The following ACTL6B variants were observed in gnomAD, a reference collection of about 807,000 sequenced individuals.
The protein encoded by ACTL6B is actin-like protein 6B.
In ACTL6B, 48 loss-of-function variants were observed where a neutral mutation model predicts 63.3. The observed-to-expected ratio is 0.76, with a 90% CI of 0.60 to 0.96. ACTL6B has a LOEUF of 0.96. ACTL6B is among the 50% of genes least tolerant of loss of function. The pLI, the probability that ACTL6B is intolerant of heterozygous loss-of-function variation, is 0.00. For synonymous variants in ACTL6B, 230 were observed against 223.8 expected (o/e 1.03, Z -0.25); for missense variants, 350 against 572.2 (o/e 0.61, Z 3.96).
At position 100,646,678 on chromosome 7, in the gene ACTL6B, G is replaced by A; in HGVS notation, c.1018-32C>T. 6.2e-7 allele frequency: 1 copy of A among 1,613,270 alleles called. No homozygotes were observed. The highest frequency in any genetic ancestry group is 8.5e-7 in the Non-Finnish European group (1 of 1,179,506). ...GCAGGGAGAAGGAGTGAGCTGCGGGGGCAGCCCCCCAACCCCGTCTCCCCA... is the reference window on the plus strand; with the variant it reads ...GCAGGGAGAAGGAGTGAGCTGCGGGAGCAGCCCCCCAACCCCGTCTCCCCA... On this transcript the variant is annotated intron_variant, in intron 11 of 13. Transcript: ENST00000160382. The surrounding 1 kb of genome is among the most constrained non-coding windows in gnomAD (Gnocchi z 6.1).
chr7:100,643,616 G>A (rs1246215245), intron 13 of ACTL6B, among the ~76,000 whole-genome samples: 2 of 152,120 alleles, frequency 1.3e-5, no homozygotes, highest in African/African-American at 4.8e-5. Context: ...GGGATGGCAC[G>A]CACAGCCCCA....
In ACTL6B at chr7:100,643,238, G is replaced by A. The variant is rs754227390; in HGVS notation, c.*8C>T. On this transcript the variant is annotated 3_prime_UTR_variant, in exon 14 of 14. Coordinates refer to ENST00000160382, the MANE Select transcript of ACTL6B (RefSeq NM_016188.5). ...AGCTTGGGAGCAGGTGTGTGGGGAGGAGTGCCATCAGGGGCACTTTCGCTC... is the reference window on the plus strand; with the variant it reads ...AGCTTGGGAGCAGGTGTGTGGGGAGAAGTGCCATCAGGGGCACTTTCGCTC... The A allele has an allele frequency of 1.9e-6, 3 of 1,613,618 alleles. No homozygotes were observed. The highest frequency in any genetic ancestry group is 2.5e-6 in the Non-Finnish European group (3 of 1,179,726).
chr7:100,643,209 T>C lies in ACTL6B; in HGVS notation c.*37A>G. 1.1e-5 allele frequency: 18 copies of C among 1,606,474 alleles called. No individual in the cohort carries two copies. Among genetic ancestry groups the C allele is most frequent in the Non-Finnish European group, 1.5e-5 (18 of 1,173,518 alleles). Reference sequence around the variant, plus strand: ...TGGCATGGGGGTTAAGGGACTTCCATCTGAGCTTGGGAGCAGGTGTGTGGG... The same window carrying C: ...TGGCATGGGGGTTAAGGGACTTCCACCTGAGCTTGGGAGCAGGTGTGTGGG... On this transcript the variant is annotated 3_prime_UTR_variant, in exon 14 of 14. Coordinates refer to ENST00000160382, the MANE Select transcript of ACTL6B (RefSeq NM_016188.5).
At chr7:100,650,200 A>T (rs1803911161) in intron 4 of ACTL6B, 65 bp from the exon 5 acceptor site, 2 of 1,373,218 alleles carry the variant, frequency 1.5e-6, no homozygotes, top group African/African-American at 2.9e-5. Flanking sequence ...ATCCACGCAC[A>T]CGCAACCCAC....
intron 4 of ACTL6B, among the ~76,000 whole-genome samples, chr7:100,654,389 G>T (rs1803998195): frequency 6.6e-6 from 1 of 150,464 alleles, no homozygotes; most frequent in South Asian, 2.1e-4. Context: ...AAAGTGTTGG[G>T]ATTACAGGTG....
rs1803753145 is a variant in ACTL6B, at chr7:100,643,155, A to G, written c.*91T>C. 7.8e-7 allele frequency: 1 copy of G among 1,286,996 alleles called. No homozygotes were observed. Among genetic ancestry groups the G allele is most frequent in the Non-Finnish European group, 1.1e-6 (1 of 890,184 alleles). The allele number at this position is 1,286,996 out of a possible 1,614,324, so 79.7% of individuals were successfully genotyped here. On this transcript the variant is annotated 3_prime_UTR_variant, in exon 14 of 14. Transcript: ENST00000160382. ...CCCAGAAACATCACCATTAATGAGG[A>G]CAAGAGGGAAAGGAGGAGGGGGGCA...
At position 100,643,270 on chromosome 7, in the gene ACTL6B, C is replaced by T. The variant is rs779504920; in HGVS notation, c.1257G>A (p.Gln419=). 3.7e-6 allele frequency: 6 copies of T among 1,613,978 alleles called. No homozygotes were observed. Among genetic ancestry groups the T allele is most frequent in the Admixed American group, 3.3e-5 (2 of 59,986 alleles). ...ATCAGGGGCACTTTCGCTCCACGCACTGCTTCCCGCCCTCCTCATATTCCT... is the reference window on the plus strand; with the variant it reads ...ATCAGGGGCACTTTCGCTCCACGCATTGCTTCCCGCCCTCCTCATATTCCT... The part of the protein sequence containing the change: ...SKQEYEEGGK[Q]CVERKCP The change falls in exon 14 of 14, where the codon CAG becomes CAA. Residue 419 remains glutamine (Q), a synonymous_variant. Transcript: ENST00000160382.
Position 100,646,164 on chromosome 7 carries a change from C to T in ACTL6B, c.1200+85G>A, listed in dbSNP as rs1803817438. 6.2e-6 allele frequency: 7 copies of T among 1,136,896 alleles called. No individual in the cohort carries two copies. Among genetic ancestry groups the T allele is most frequent in the African/African-American group, 3.1e-5 (2 of 65,250 alleles). 70.4% of individuals were successfully genotyped at this position (1,136,896 alleles called of 1,614,324 possible). A position where few individuals can be genotyped will look rare whatever the true frequency, so the allele number is the denominator to read the frequency against. ...AATGTTTGTTGAATGAATGAATGAACGAAGAGGCAGTCAAAGTGGCGGGCA... is the reference window on the plus strand; with the variant it reads ...AATGTTTGTTGAATGAATGAATGAATGAAGAGGCAGTCAAAGTGGCGGGCA... On this transcript the variant is annotated intron_variant, in intron 13 of 13. Transcript: ENST00000160382. This position sits in a 1 kb window ranked among gnomAD's most constrained non-coding sequence, Gnocchi z 6.1.
At chr7:100,653,977 T>A (rs567049034) in intron 4 of ACTL6B, among the ~76,000 whole-genome samples, 3 of 145,024 alleles carry the variant, frequency 2.1e-5, no homozygotes, top group Admixed American at 6.9e-5. Flanking sequence ...AGGTTTTAAA[T>A]TTTTTTTTTT....
rs1562847909 is a variant in ACTL6B, at chr7:100,646,336, C to T, written c.1114-1G>A. The T allele has an allele frequency of 6.2e-7, 1 of 1,613,702 alleles. No individual in the cohort carries two copies. The highest frequency in any genetic ancestry group is 8.5e-7 in the Non-Finnish European group (1 of 1,179,866). ...TGGCAATGAGTTTCAGTCGCATGCT[C>T]TGGGGGTAAAAAGGGGCTGGGGGAA... On this transcript the variant is annotated splice_acceptor_variant, in intron 12 of 13. Transcript: ENST00000160382. LOFTEE classifies it high-confidence loss of function. This position sits in a 1 kb window ranked among gnomAD's most constrained non-coding sequence, Gnocchi z 6.1.
Position 100,646,858 on chromosome 7 carries a change from G to C in ACTL6B, c.937-27C>G. 6.2e-7 allele frequency: 1 copy of C among 1,606,132 alleles called. No homozygotes were observed. Among genetic ancestry groups the C allele is most frequent in the East Asian group, 2.2e-5 (1 of 44,776 alleles). ...TGCAGAGAGAGGTGACTGGGGCTGT[G>C]GGCTCTCTCCCCCTTCCCCCCAGAC... is the stretch of plus-strand genomic sequence containing the variant. On this transcript the variant is annotated intron_variant, in intron 10 of 13. Transcript: ENST00000160382. This position sits in a 1 kb window ranked among gnomAD's most constrained non-coding sequence, Gnocchi z 6.1.
intron 4 of ACTL6B, among the ~76,000 whole-genome samples, chr7:100,653,603 CTGCAA>C (rs1443535872): frequency 1.3e-5 from 2 of 152,136 alleles, no homozygotes; most frequent in Non-Finnish European, 2.9e-5. Context: ...AATTGTGCCA[CTGCAA>C]TCCAACCTGG....
At chr7:100,644,460 T>G (rs954551781) in intron 13 of ACTL6B, among the ~76,000 whole-genome samples, 7 of 152,062 alleles carry the variant, frequency 4.6e-5, no homozygotes, top group East Asian at 1.9e-4. Context: ...CCAATTTTTT[T>G]GGGTTTTTTT....
chr7:100,652,052 A>C (rs1803949274), intron 4 of ACTL6B, among the ~76,000 whole-genome samples: 1 of 152,168 alleles, frequency 6.6e-6, no homozygotes, highest in Non-Finnish European at 1.5e-5. Flanking sequence ...GAGGGCTACT[A>C]GTGCAAACTG....
intron 4 of ACTL6B, among the ~76,000 whole-genome samples, chr7:100,651,602 T>A (rs569629667): frequency 4.5e-4 from 69 of 152,014 alleles, no homozygotes; most frequent in African/African-American, 1.6e-3. Context: ...ATTATTTTTT[T>A]AAATGGAGTC....
At chr7:100,649,925 G>C (rs1803903207) in intron 5 of ACTL6B, 113 bp downstream of exon 5, 3 of 921,308 alleles carry the variant, frequency 3.3e-6, no homozygotes, top group Non-Finnish European at 5.1e-6. Flanking sequence ...CTGCCCATTG[G>C]GACACTGATC....
At chr7:100,645,514 C>T (rs2131332379) in intron 13 of ACTL6B, among the ~76,000 whole-genome samples, 1 of 152,300 alleles carries the variant, frequency 6.6e-6, no homozygotes, top group Admixed American at 6.5e-5. Flanking sequence ...ATCATGCCTG[C>T]ATTGCCACAT....
rs202035138 is a variant in ACTL6B at position 100,655,783 on chromosome 7, G to A, written c.102+20C>T. On this transcript the variant is annotated intron_variant, in intron 2 of 13. Coordinates refer to ENST00000160382, the MANE Select transcript of ACTL6B (RefSeq NM_016188.5). This position sits in a 1 kb window ranked among gnomAD's most constrained non-coding sequence, Gnocchi z 4.4. Reference sequence around the variant, plus strand: ...GGGTCCGAAGCCCCTAGGATTTGGAGAGGAGACTGGAAGGCTCACCTTGGG... The same window carrying A: ...GGGTCCGAAGCCCCTAGGATTTGGAAAGGAGACTGGAAGGCTCACCTTGGG... The A allele has an allele frequency of 6.7e-5, 104 of 1,558,788 alleles. No individual in the cohort carries two copies. The highest frequency in any genetic ancestry group is 1.4e-4 in the Admixed American group (7 of 51,820).
chr7:100,644,275 C>A (rs536135035), intron 13 of ACTL6B, among the ~76,000 whole-genome samples: 10 of 152,270 alleles, frequency 6.6e-5, no homozygotes, highest in African/African-American at 2.4e-4. Context: ...CTCAAGTAAT[C>A]GTTCCACCTC....
Sources: gnomAD v4.1 joint callset for allele counts (sites outside exome capture counted in the v4.1 genomes callset) on GRCh38, gnomAD v4.1.1 for gene constraint, Gnocchi (gnomAD v3.1) non-coding constraint, MANE v1.5 for transcripts, NCBI Gene and HGNC (gene_info 2026-07-23, HGNC 2026-07-21) for gene names.